Variants in BTBD7 observed in about 807,000 individuals in gnomAD.
BTBD7 encodes BTB domain containing 7, also known as BTB/POZ domain-containing protein 7.
A neutral mutation model predicts 99.9 loss-of-function variants in BTBD7; 38 were observed. The observed-to-expected ratio is 0.38, with a 90% CI of 0.29 to 0.50. The LOEUF (loss-of-function observed/expected upper bound fraction) is 0.50, where lower values mean the gene tolerates loss of function less well. BTBD7 is among the 20% of genes least tolerant of loss of function. The pLI is 0.93. For synonymous variants in BTBD7, 520 were observed against 511.4 expected (o/e 1.02, Z -0.23); for missense variants, 1,170 against 1,394.6 (o/e 0.84, Z 2.57).
rs1405860301 is a variant in BTBD7, at chr14:93,248,681, CA to C, written c.1943-28del. 2.6e-6 allele frequency: 4 copies of C among 1,559,502 alleles called. No homozygotes were observed. In the African/African-American group the frequency reaches 4.1e-5, roughly 16 times the overall value. On this transcript the variant is annotated intron_variant, in intron 8 of 10. Coordinates refer to ENST00000334746, the MANE Select transcript of BTBD7 (RefSeq NM_001002860.4). ...TGGAAGGAGAACAACAGTGGGCAAG[CA>C]AAATTCCTGAGCTACACAAAAGACG... is the stretch of plus-strand genomic sequence containing the variant.
chr14:93,247,665 G>C (rs2052328234), intron 9 of BTBD7, among the ~76,000 whole-genome samples: 1 of 152,100 alleles, frequency 6.6e-6, no homozygotes, highest in South Asian at 2.1e-4. Context: ...CCTTTTAAAG[G>C]GTACGGATTA....
At chr14:93,295,872 A>C (rs1566854825) in intron 2 of BTBD7, 98 bp downstream of exon 2, 1 of 1,076,498 alleles carries the variant, frequency 9.3e-7, no homozygotes, top group East Asian at 2.6e-5. Context: ...TTATTATAAT[A>C]ACTACAGCTC....
chr14:93,313,179 C>T (rs1434622439), intron 1 of BTBD7, among the ~76,000 whole-genome samples: 1 of 152,124 alleles, frequency 6.6e-6, no homozygotes, highest in South Asian at 2.1e-4. Context: ...CCTCCCATAA[C>T]CCCTAAAATA....
chr14:93,314,311 AT>A (rs1566862816), intron 1 of BTBD7, among the ~76,000 whole-genome samples: 1 of 152,216 alleles, frequency 6.6e-6, no homozygotes, highest in Non-Finnish European at 1.5e-5. Flanking sequence ...TTAGAAAAAA[AT>A]ATTAAATGTG....
chr14:93,283,579 T>C (rs915492921), intron 3 of BTBD7, among the ~76,000 whole-genome samples: 3 of 152,172 alleles, frequency 2.0e-5, no homozygotes, highest in Non-Finnish European at 4.4e-5. Flanking sequence ...TGAGACAGTC[T>C]CTCACTCTAT....
chr14:93,296,060 G>C lies in BTBD7; in HGVS notation c.-9C>G, dbSNP rs770573351. On this transcript the variant is annotated 5_prime_UTR_variant, in exon 2 of 11. Transcript: ENST00000334746. ...GATGCATTAGCACCCATTTTCTTCA[G>C]TCACTCAGGCATTCCGTCTGCGGGT... 1 of 1,613,222 alleles carries C rather than the reference G, an allele frequency of 6.2e-7. No individual in the cohort carries two copies. The highest frequency in any genetic ancestry group is 8.5e-7 in the Non-Finnish European group (1 of 1,179,634).
At chr14:93,304,346 TATTA>T (rs1333988454) in intron 1 of BTBD7, among the ~76,000 whole-genome samples, 1 of 152,218 alleles carries the variant, frequency 6.6e-6, no homozygotes, top group African/African-American at 2.4e-5. Context: ...GATTTGAGTT[TATTA>T]TTTATTTATT....
rs571639188 is a variant in BTBD7, at chr14:93,265,650, G to A, written c.1163-1657C>T. Among the ~76,000 whole-genome samples the A allele has an allele frequency of 2.0e-4, 31 of 152,370 alleles. No individual in the cohort carries two copies. In the South Asian group the frequency reaches 4.6e-3, roughly 22 times the overall value. On this transcript the variant is annotated intron_variant, in intron 3 of 10. Coordinates refer to ENST00000334746, the MANE Select transcript of BTBD7 (RefSeq NM_001002860.4). The stretch of plus-strand genomic sequence containing the variant: ...TTATCAAGAATTTGGGGCCGGGTGC[G>A]GCGGCGCACGCCTGTAATCCCAGCA...
rs2052888150 is a variant in BTBD7 at position 93,293,922 on chromosome 14, C to T, written c.1098G>A (p.Arg366=). ...GGTAAAGTTCCATGGCTTCTTCTGC[C>T]CTGGTCATGTTTGGCTTCCCTGCGA... ...ALVAGKPNMT[R]AEEAMELYHI... Residue 366 remains arginine, a synonymous_variant, in exon 3 of 11, where the codon AGG becomes AGA. Coordinates refer to ENST00000334746, the MANE Select transcript of BTBD7 (RefSeq NM_001002860.4). The T allele has an allele frequency of 1.1e-5, 18 of 1,613,680 alleles. No individual in the cohort carries two copies. The highest frequency in any genetic ancestry group is 1.5e-5 in the Non-Finnish European group (18 of 1,179,850).
In BTBD7 at chr14:93,294,597, A is replaced by G. The variant is rs2052900797; in HGVS notation, c.423T>C (p.Cys141=). 2 of 1,613,982 alleles carry G rather than the reference A, an allele frequency of 1.2e-6. No individual in the cohort carries two copies. The highest frequency in any genetic ancestry group is 2.7e-5 in the African/African-American group (2 of 74,942). ...CTTGAAATATTAAGTCTACATCAGT[A>G]CAATACTTGTACTCATAAAGATCAG... ...DMADLYEYKY[C]TDVDLIFQET... is the part of the protein sequence containing the mutation. The change falls in exon 3 of 11, where the codon TGT becomes TGC. Residue 141 remains cysteine, a synonymous_variant. Coordinates refer to ENST00000334746, the MANE Select transcript of BTBD7 (RefSeq NM_001002860.4).
At chr14:93,254,103 A>C (rs1725061108) in intron 6 of BTBD7, among the ~76,000 whole-genome samples, 1 of 151,958 alleles carries the variant, frequency 6.6e-6, no homozygotes, top group African/African-American at 2.4e-5. Context: ...ACGCCTGGCT[A>C]ATTTTTTGTA....
chr14:93,252,497 C>T (rs139279618), intron 7 of BTBD7, among the ~76,000 whole-genome samples: 1 of 150,874 alleles, frequency 6.6e-6, no homozygotes, highest in African/African-American at 2.4e-5. Context: ...GCTGGGACTA[C>T]AACAGCACAC....
chr14:93,322,184 C>T (rs1196170894), intron 1 of BTBD7, among the ~76,000 whole-genome samples: 1 of 152,200 alleles, frequency 6.6e-6, no homozygotes, highest in Non-Finnish European at 1.5e-5. Flanking sequence ...GTGATCGCTA[C>T]TCACCATAAC....
In BTBD7 at chr14:93,242,295, A is replaced by C. The variant is rs2139668104; in HGVS notation, c.3377T>G (p.Leu1126Arg). 1 of 1,613,690 alleles carries C rather than the reference A, an allele frequency of 6.2e-7. No individual in the cohort carries two copies. The highest frequency in any genetic ancestry group is 1.7e-4 in the Middle Eastern group (1 of 6,054). The change falls in exon 11 of 11, where the codon CTC (leucine) becomes CGC (arginine). Residue 1126 changes from leucine (L) to arginine (R), a missense_variant. By Grantham distance (102) the Leu-to-Arg change is moderately radical. This residue lies in a region of BTBD7 where 495 missense variants were observed against 525.9 expected (regional missense o/e 0.94). Coordinates refer to ENST00000334746, the MANE Select transcript of BTBD7 (RefSeq NM_001002860.4). ...CTCTCAGAGGGCAGACTTTTTGTAG[A>C]GGAAGTCCGGCTTGCTTGGTGACCT... ...GRRSPSKPDF[L>R]YKKSAL
At chr14:93,266,963 G>C (rs548469622) in intron 3 of BTBD7, among the ~76,000 whole-genome samples, 1 of 152,300 alleles carries the variant, frequency 6.6e-6, no homozygotes, top group Non-Finnish European at 1.5e-5. Flanking sequence ...TGAATACCAA[G>C]CTGAGGAGGA....
rs755671512 is a variant in BTBD7, at chr14:93,242,434, A to C, written c.3238T>G (p.Ser1080Ala). ...CCGGATCTCTCTTCGGGAGCTTCAG[A>C]GCTACATGCAGAAAGTGAAGGTCTG... ...PNRPSLSACS[S>A]EAPEERSGRR... The change falls in exon 11 of 11, where the codon TCT becomes GCT. Residue 1080 changes from serine to alanine, a missense_variant. Ser to Ala is a moderately conservative substitution (Grantham distance 99, BLOSUM62 1). Coordinates refer to ENST00000334746, the MANE Select transcript of BTBD7 (RefSeq NM_001002860.4). The C allele has an allele frequency of 1.2e-6, 2 of 1,614,218 alleles. No individual in the cohort carries two copies. The highest frequency in any genetic ancestry group is 2.2e-5 in the South Asian group (2 of 91,086).
At chr14:93,274,763 A>G (rs2052637053) in intron 3 of BTBD7, among the ~76,000 whole-genome samples, 1 of 152,220 alleles carries the variant, frequency 6.6e-6, no homozygotes, top group Admixed American at 6.5e-5. Context: ...AACCCAGGCT[A>G]AGAAAGAGCA....
intron 3 of BTBD7, among the ~76,000 whole-genome samples, chr14:93,292,337 G>A (rs1356302884): frequency 6.6e-6 from 1 of 151,348 alleles, no homozygotes; most frequent in African/African-American, 2.4e-5. Flanking sequence ...AAATTTTTCT[G>A]TAGAAGCATT....
At position 93,246,282 on chromosome 14, in the gene BTBD7, G is replaced by C. The variant is rs1272375884; in HGVS notation, c.2126C>G (p.Pro709Arg). 6.9e-7 allele frequency: 1 copy of C among 1,443,282 alleles called. No individual in the cohort carries two copies. Among genetic ancestry groups the C allele is most frequent in the Non-Finnish European group, 9.1e-7 (1 of 1,096,860 alleles). 89.4% of individuals were successfully genotyped at this position (1,443,282 alleles called of 1,614,324 possible). ...ADAAAELLQN[P>R]HKFFPDERFG... The stretch of plus-strand genomic sequence containing the variant: ...ACGTTCATCAGGAAAGAATTTGTGA[G>C]GATTCTAAAAAAGATTAAAAAAAAA... Residue 709 changes from proline (P) to arginine (R), a missense_variant, in exon 10 of 11, where the codon CCT (proline) becomes CGT (arginine). By Grantham distance (103) the Pro-to-Arg change is moderately radical. Transcript: ENST00000334746.
Sources: allele counts gnomAD v4.1 joint callset (sites outside exome capture counted in the v4.1 genomes callset), GRCh38; gene constraint gnomAD v4.1.1; regional missense constraint gnomAD v4.1.1; transcripts MANE v1.5; gene names NCBI Gene and HGNC (gene_info 2026-07-23, HGNC 2026-07-21).